TAF5: variants seen among roughly 807,000 people sequenced by gnomAD.
TAF5 encodes TATA-box binding protein associated factor 5, also known as transcription initiation factor TFIID subunit 5.
Under a neutral mutation model 80.9 loss-of-function variants are expected in TAF5, and 20 were observed. The observed-to-expected ratio is 0.25, with a 90% confidence interval of 0.17 to 0.36. The LOEUF is 0.36. TAF5 is among the 10% of genes least tolerant of loss of function. The pLI is 1.00. For synonymous variants in TAF5, 388 were observed against 406.4 expected (o/e 0.95, Z 0.55); for missense variants, 863 against 1,029.4 (o/e 0.84, Z 2.21).
intron 1 of TAF5, among the ~76,000 whole-genome samples, chr10:103,370,425 A>G (rs1362200290): frequency 6.9e-6 from 1 of 145,710 alleles, no homozygotes; most frequent in Non-Finnish European, 1.5e-5. Context: ...TCCCAGGTTC[A>G]AGCGATTCTC....
chr10:103,370,511 T>C (rs950171270), intron 1 of TAF5, among the ~76,000 whole-genome samples: 1 of 151,716 alleles, frequency 6.6e-6, no homozygotes, highest in African/African-American at 2.4e-5. Flanking sequence ...GTATTTTTAT[T>C]AGAGACGGGG....
chr10:103,373,331 C>T (rs1440130749), intron 1 of TAF5, 27 bp from the exon 2 acceptor site: 1 of 1,601,764 alleles, frequency 6.2e-7, no homozygotes, highest in South Asian at 1.1e-5. Context: ...AGGTCATTTT[C>T]TTAAAAGTTT....
intron 8 of TAF5, among the ~76,000 whole-genome samples, chr10:103,386,500 G>A (rs1465931861): frequency 2.0e-5 from 3 of 152,062 alleles, no homozygotes; most frequent in Non-Finnish European, 4.4e-5. Flanking sequence ...GTTTAGACTA[G>A]GAATAGAGGA....
intron 2 of TAF5, among the ~76,000 whole-genome samples, chr10:103,373,967 T>C (rs1220100113): frequency 6.6e-6 from 1 of 152,018 alleles, no homozygotes; most frequent in East Asian, 1.9e-4. Flanking sequence ...GGGTGTGGTA[T>C]ACTATGAAGC....
chr10:103,373,856 G>C (rs1173255957), intron 2 of TAF5, among the ~76,000 whole-genome samples: 3 of 152,162 alleles, frequency 2.0e-5, no homozygotes, highest in Admixed American at 1.3e-4. Context: ...CAGATGAAGA[G>C]AAGAGGGAAA....
chr10:103,372,630 G>A (rs1229437552), intron 1 of TAF5, among the ~76,000 whole-genome samples: 1 of 149,912 alleles, frequency 6.7e-6, no homozygotes, highest in African/African-American at 2.4e-5. Flanking sequence ...CACCGCACCC[G>A]GCGGCTCATA....
chr10:103,370,302 C>G (rs1480440208), intron 1 of TAF5, among the ~76,000 whole-genome samples: 1 of 144,474 alleles, frequency 6.9e-6, no homozygotes, highest in Non-Finnish European at 1.5e-5. Context: ...TTTTCTCTCT[C>G]TATTAAATGA....
chr10:103,387,776 T>A, intron 10 of TAF5, 78 bp downstream of exon 10: 1 of 1,427,752 alleles, frequency 7.0e-7, no homozygotes. Context: ...ACTAAGTCCT[T>A]ATGTTTTAGG....
chr10:103,368,628 C>G, intron 1 of TAF5, 80 bp downstream of exon 1: 2 of 1,390,916 alleles, frequency 1.4e-6, no homozygotes, highest in Non-Finnish European at 1.9e-6. Flanking sequence ...AGGCCTGCAC[C>G]TCTGCGGGCT....
At chr10:103,386,089 G>A (rs1302933892) in intron 8 of TAF5, among the ~76,000 whole-genome samples, 1 of 151,996 alleles carries the variant, frequency 6.6e-6, no homozygotes, top group Non-Finnish European at 1.5e-5. Context: ...ACCACTGTGA[G>A]CACCTTTATG....
At position 103,373,636 on chromosome 10, in the gene TAF5, AGTGT is replaced by A. The variant is rs202225632; in HGVS notation, c.797+51_797+54del. ...CATATATATATATACACACATACGT[AGTGT>A]GTGTGTGTGCGTGCATATGTTTTCA... On this transcript the variant is annotated intron_variant, in intron 2 of 10. Transcript: ENST00000369839. The A allele has an allele frequency of 3.0e-4, 412 of 1,371,324 alleles. 3 individuals are homozygous for A. In the East Asian group the frequency reaches 8.5e-3, roughly 28 times the overall value. 84.9% of individuals were successfully genotyped at this position (1,371,324 alleles called of 1,614,324 possible). A position where few individuals can be genotyped will look rare whatever the true frequency, so the allele number is the denominator to read the frequency against.
chr10:103,368,982 A>ATT (rs34262432), intron 1 of TAF5, among the ~76,000 whole-genome samples: 225 of 146,176 alleles, frequency 1.5e-3, no homozygotes, highest in Middle Eastern at 0.011. Flanking sequence ...TACTTTATAG[A>ATT]TTTTTTTTTT....
chr10:103,368,477 C>G lies in TAF5; in HGVS notation c.488C>G (p.Pro163Arg). 6.3e-7 allele frequency: 1 copy of G among 1,580,694 alleles called. No individual in the cohort carries two copies. Among genetic ancestry groups the G allele is most frequent in the Non-Finnish European group, 8.5e-7 (1 of 1,172,654 alleles). The change falls in exon 1 of 11, where the codon CCT (proline) becomes CGT (arginine). Residue 163 changes from proline to arginine, a missense_variant. Pro to Arg is a moderately radical substitution (Grantham distance 103). Around this residue, in one of 3 missense-constraint regions of TAF5, gnomAD observed 367 missense variants for 335.5 expected, o/e 1.09. Coordinates refer to ENST00000369839, the MANE Select transcript of TAF5 (RefSeq NM_006951.5). The part of the protein sequence containing the change: ...ASAPGPAAPD[P>R]PGTGASGATV... ...GCCCCTGGCCCTGCGGCCCCCGACC[C>G]TCCGGGCACTGGCGCTTCGGGGGCC...
intron 1 of TAF5, among the ~76,000 whole-genome samples, chr10:103,370,481 A>G (rs1318883578): frequency 6.6e-6 from 1 of 151,358 alleles, no homozygotes; most frequent in East Asian, 2.0e-4. Context: ...ACGTGCCACC[A>G]TGCCTGGCTA....
chr10:103,372,572 G>A (rs920473261), intron 1 of TAF5, among the ~76,000 whole-genome samples: 2 of 150,620 alleles, frequency 1.3e-5, no homozygotes, highest in African/African-American at 4.9e-5. Context: ...CTGACCTCGT[G>A]ATCCACCTGT....
chr10:103,373,538 T>A lies in TAF5; in HGVS notation c.740T>A (p.Met247Lys). The part of the protein sequence containing the change: ...SQLFYPLFVH[M>K]YLELVYNQHE... ...CTTTTTTATCCTCTGTTTGTGCACA[T>A]GTACTTGGAGCTAGTCTACAATCAA... is the stretch of plus-strand genomic sequence containing the variant. Residue 247 changes from methionine (M) to lysine (K), a missense_variant, in exon 2 of 11, where the codon ATG becomes AAG. Met to Lys is a moderately conservative substitution (Grantham distance 95, BLOSUM62 -1). Around this residue, in one of 3 missense-constraint regions of TAF5, gnomAD observed 128 missense variants for 232.2 expected, o/e 0.55. Coordinates refer to ENST00000369839, the MANE Select transcript of TAF5 (RefSeq NM_006951.5). The A allele has an allele frequency of 6.2e-7, 1 of 1,614,196 alleles. No individual in the cohort carries two copies.
intron 2 of TAF5, among the ~76,000 whole-genome samples, chr10:103,373,888 G>A (rs1488789894): frequency 1.3e-5 from 2 of 152,158 alleles, no homozygotes; most frequent in African/African-American, 4.8e-5. Flanking sequence ...AAGCTCTCTG[G>A]TGGGAAGGAT....
chr10:103,387,511 T>C lies in TAF5; in HGVS notation c.2008-10T>C, dbSNP rs778796504. ...ACATACTTTGATCTTTTCTATGAAC[T>C]TTTTTCTAGGGACCAATTCATTCCT... On this transcript the variant is annotated splice_polypyrimidine_tract_variant and intron_variant, in intron 9 of 10. Transcript: ENST00000369839. 4 of 1,601,780 alleles carry C rather than the reference T, an allele frequency of 2.5e-6. No homozygotes were observed. Among genetic ancestry groups the C allele is most frequent in the Non-Finnish European group, 3.4e-6 (4 of 1,174,920 alleles).
rs370040243 is a variant in TAF5 at position 103,383,401 on chromosome 10, A to G, written c.1664+34A>G. 40 of 1,550,320 alleles carry G rather than the reference A, an allele frequency of 2.6e-5. No individual in the cohort carries two copies. The African/African-American group carries it at 4.5e-4, about 17-fold the overall frequency. ...CAAACAATAAAAATTAAATACTGCTATGTTATATTGAAATTATATAAAAGT... is the reference window on the plus strand; with the variant it reads ...CAAACAATAAAAATTAAATACTGCTGTGTTATATTGAAATTATATAAAAGT... On this transcript the variant is annotated intron_variant, in intron 7 of 10. Coordinates refer to ENST00000369839, the MANE Select transcript of TAF5 (RefSeq NM_006951.5).
Sources: gnomAD v4.1 joint callset for allele counts (sites outside exome capture counted in the v4.1 genomes callset) on GRCh38, gnomAD v4.1.1 for gene constraint, gnomAD v4.1.1 regional missense constraint, MANE v1.5 for transcripts, NCBI Gene and HGNC (gene_info 2026-07-23, HGNC 2026-07-21) for gene names.